Variants in TMCC1 observed in about 807,000 individuals in gnomAD.
TMCC1 encodes the protein transmembrane and coiled-coil domains protein 1.
A neutral mutation model predicts 52.4 loss-of-function variants in TMCC1; 15 were observed. That is an observed-to-expected ratio of 0.29 (90% confidence interval 0.19 to 0.44). The LOEUF (loss-of-function observed/expected upper bound fraction) is 0.44, where lower values mean the gene tolerates loss of function less well. Among genes scored for constraint, TMCC1 ranks in the 20% least tolerant of loss-of-function variants. The probability of loss-of-function intolerance (pLI) is 1.00; values close to 1 mark genes in which losing one functional copy is unlikely to be tolerated. For synonymous variants in TMCC1, 279 were observed against 301.9 expected (o/e 0.92, Z 0.79); for missense variants, 503 against 806.0 (o/e 0.62, Z 4.55).
At chr3:129,748,830 C>T (rs961526961) in intron 4 of TMCC1, among the ~76,000 whole-genome samples, 1 of 151,982 alleles carries the variant, frequency 6.6e-6, no homozygotes, top group African/African-American at 2.4e-5. Context: ...TGGCAAAACA[C>T]TGTCTCTACT....
At chr3:129,855,975 T>C (rs767772885) in intron 2 of TMCC1, among the ~76,000 whole-genome samples, 2 of 151,668 alleles carry the variant, frequency 1.3e-5, no homozygotes, top group African/African-American at 2.4e-5. Flanking sequence ...GATTCCAAAA[T>C]GGCCAAATGA....
At chr3:129,744,236 A>G (rs1020982313) in intron 4 of TMCC1, among the ~76,000 whole-genome samples, 7 of 152,198 alleles carry the variant, frequency 4.6e-5, no homozygotes, top group African/African-American at 1.7e-4. Flanking sequence ...ACACAGGAGG[A>G]TGTCAAAAAG....
chr3:129,691,623 T>C (rs184539723), intron 4 of TMCC1, among the ~76,000 whole-genome samples: 202 of 152,084 alleles, frequency 1.3e-3, no homozygotes, highest in African/African-American at 4.8e-3. Context: ...TCTACAAAAA[T>C]GATAAATAAA....
intron 4 of TMCC1, among the ~76,000 whole-genome samples, chr3:129,725,624 A>C (rs1444693075): frequency 6.6e-6 from 1 of 152,260 alleles, no homozygotes; most frequent in Non-Finnish European, 1.5e-5. Flanking sequence ...CTGTATTAAT[A>C]AACTTTTCTT....
intron 4 of TMCC1, among the ~76,000 whole-genome samples, chr3:129,746,251 A>G (rs988954827): frequency 6.6e-6 from 1 of 151,548 alleles, no homozygotes; most frequent in Non-Finnish European, 1.5e-5. Context: ...GCTCACTGCA[A>G]CCTCCACCCC....
chr3:129,782,988 G>GTTT (rs1207606321), intron 4 of TMCC1, among the ~76,000 whole-genome samples: 66 of 152,320 alleles, frequency 4.3e-4, no homozygotes, highest in African/African-American at 1.6e-3. Flanking sequence ...CTATTTTACA[G>GTTT]TAGCCTTTTG....
intron 4 of TMCC1, among the ~76,000 whole-genome samples, chr3:129,777,895 C>G (rs1337299238): frequency 6.6e-6 from 1 of 152,166 alleles, no homozygotes; most frequent in Non-Finnish European, 1.5e-5. Flanking sequence ...ATGCCACTGG[C>G]CAATGGGAAC....
At chr3:129,835,003 T>C (rs980956016) in intron 2 of TMCC1, among the ~76,000 whole-genome samples, 1 of 152,214 alleles carries the variant, frequency 6.6e-6, no homozygotes, top group Non-Finnish European at 1.5e-5. Flanking sequence ...CATCCAGCCT[T>C]GGTAAGATGT....
At chr3:129,791,823 T>G (rs547644853) in intron 4 of TMCC1, among the ~76,000 whole-genome samples, 44 of 152,264 alleles carry the variant, frequency 2.9e-4, no homozygotes, top group Non-Finnish European at 5.3e-4. Context: ...AAATCTTAAT[T>G]TACTTCCTTT....
At chr3:129,856,432 ACTT>A (rs2060149839) in intron 2 of TMCC1, among the ~76,000 whole-genome samples, 1 of 152,180 alleles carries the variant, frequency 6.6e-6, no homozygotes, top group African/African-American at 2.4e-5. Flanking sequence ...CATTGCAACA[ACTT>A]CTAGGTAATC....
chr3:129,863,418 C>A (rs560347411), intron 2 of TMCC1, among the ~76,000 whole-genome samples: 19 of 152,222 alleles, frequency 1.2e-4, no homozygotes, highest in African/African-American at 3.6e-4. Flanking sequence ...AGAAGAAAAA[C>A]AAGTCTCCCA....
chr3:129,690,340 T>C (rs946966448), intron 4 of TMCC1, among the ~76,000 whole-genome samples: 3 of 152,160 alleles, frequency 2.0e-5, no homozygotes, highest in Non-Finnish European at 4.4e-5. Flanking sequence ...AAATAAAATC[T>C]AGTAAGTTAT....
chr3:129,882,422 T>C (rs1233981333), intron 1 of TMCC1, among the ~76,000 whole-genome samples: 9 of 150,978 alleles, frequency 6.0e-5, no homozygotes, highest in Non-Finnish European at 1.2e-4. Flanking sequence ...GATAGGAATG[T>C]ACGATGCTAC....
intron 4 of TMCC1, among the ~76,000 whole-genome samples, chr3:129,740,283 A>G (rs1414940244): frequency 6.6e-6 from 1 of 152,342 alleles, no homozygotes; most frequent in East Asian, 1.9e-4. Context: ...AGTCAGAATT[A>G]GAGTTCAAAG....
At chr3:129,888,814 G>A (rs2061836762) in intron 1 of TMCC1, among the ~76,000 whole-genome samples, 1 of 152,192 alleles carries the variant, frequency 6.6e-6, no homozygotes. Flanking sequence ...AGCCAGATGA[G>A]CAGGGTTAAC....
chr3:129,828,123 G>T lies in TMCC1; in HGVS notation c.256C>A (p.Gln86Lys), dbSNP rs984182459. Residue 86 changes from glutamine (Q) to lysine (K), a missense_variant, in exon 4 of 7, where the codon CAG (glutamine) becomes AAG (lysine). By Grantham distance (53) the Gln-to-Lys change is moderately conservative. This residue lies in a region of TMCC1 where 217 missense variants were observed against 297.9 expected (regional missense o/e 0.73). Coordinates refer to ENST00000393238, the MANE Select transcript of TMCC1 (RefSeq NM_001017395.5). This position sits in a 1 kb window ranked among gnomAD's most constrained non-coding sequence, Gnocchi z 4.1. Reference protein sequence around the residue: ...DPEPEMDLESQNACAEIDGVP... With the variant: ...DPEPEMDLESKNACAEIDGVP... ...CCATCAATCTCAGCACATGCGTTCT[G>T]GCTTTCCAGATCCATTTCAGGTTCT... The T allele has an allele frequency of 6.2e-7, 1 of 1,614,128 alleles. No homozygotes were observed. The highest frequency in any genetic ancestry group is 8.5e-7 in the Non-Finnish European group (1 of 1,180,020).
At chr3:129,870,914 G>C (rs1258962580) in intron 2 of TMCC1, among the ~76,000 whole-genome samples, 1 of 151,740 alleles carries the variant, frequency 6.6e-6, no homozygotes, top group East Asian at 1.9e-4. Flanking sequence ...AAGAACAAAG[G>C]GACTATTACT....
chr3:129,655,956 T>C (rs567850092), intron 5 of TMCC1, among the ~76,000 whole-genome samples: 46 of 152,142 alleles, frequency 3.0e-4, no homozygotes, highest in African/African-American at 1.1e-3. Context: ...TGGAGAGAAA[T>C]GGATGATAAA....
intron 6 of TMCC1, among the ~76,000 whole-genome samples, chr3:129,653,136 A>AT (rs963680014): frequency 1.1e-4 from 16 of 150,860 alleles, no homozygotes; most frequent in East Asian, 3.9e-4. Flanking sequence ...AATCTACCTC[A>AT]TTTTTTTTTA....
Sources: allele counts gnomAD v4.1 joint callset (sites outside exome capture counted in the v4.1 genomes callset), GRCh38; gene constraint gnomAD v4.1.1; regional missense constraint gnomAD v4.1.1; non-coding constraint Gnocchi (gnomAD v3.1); transcripts MANE v1.5; gene names NCBI Gene and HGNC (gene_info 2026-07-23, HGNC 2026-07-21).